Variants in KRTAP19-2 observed in about 807,000 individuals in gnomAD.
KRTAP19-2 encodes keratin-associated protein 19-2.
In KRTAP19-2, 2 loss-of-function variants were observed where a neutral mutation model predicts 0.3. That is an observed-to-expected ratio of 6.87 (90% CI 2.81 to 21.61). The LOEUF (loss-of-function observed/expected upper bound fraction) is 21.61. Among genes scored for constraint, KRTAP19-2 ranks in the 30% most tolerant of loss-of-function variants. The pLI is 0.03. For missense variants in KRTAP19-2, 63 were observed against 63.1 expected (o/e 1.00, Z 0.00); for synonymous variants, 31 against 24.6 (o/e 1.26, Z -0.77).
chr21:30,487,224 C>A lies in KRTAP19-2; in HGVS notation c.125G>T (p.Cys42Phe). 1.2e-6 allele frequency: 2 copies of A among 1,614,176 alleles called. No homozygotes were observed. The highest frequency in any genetic ancestry group is 1.7e-6 in the Non-Finnish European group (2 of 1,180,028). ...GCGDGCCCPS[C>F]YRRYRFTGFY ...GCCAGTGAATCTATATCTTCTGTAG[C>A]ATGATGGGCAGCAGCAGCCATCTCC... Residue 42 changes from cysteine (C) to phenylalanine (F), a missense_variant, in exon 1 of 1, where the codon TGC becomes TTC. Cys to Phe is a radical substitution (Grantham distance 205). Transcript: ENST00000334055.
chr21:30,487,173 A>G lies in KRTAP19-2; in HGVS notation c.*17T>C, dbSNP rs375544355. On this transcript the variant is annotated 3_prime_UTR_variant, in exon 1 of 1. Transcript: ENST00000334055. Reference sequence around the variant, plus strand: ...ATCCCTTCAAAATAACAGATGCTGCATCACTAGAGCAGCAGCTTAGTAGAA... The same window carrying G: ...ATCCCTTCAAAATAACAGATGCTGCGTCACTAGAGCAGCAGCTTAGTAGAA... 1 of 1,600,644 alleles carries G rather than the reference A, an allele frequency of 6.2e-7. No homozygotes were observed. Among genetic ancestry groups the G allele is most frequent in the Non-Finnish European group, 8.6e-7 (1 of 1,167,644 alleles).
chr21:30,487,422 G>A lies in KRTAP19-2; in HGVS notation c.-74C>T. 1 of 1,609,660 alleles carries A rather than the reference G, an allele frequency of 6.2e-7. No individual in the cohort carries two copies. Among genetic ancestry groups the A allele is most frequent in the South Asian group, 1.1e-5 (1 of 90,652 alleles). ...CTAGTAGCTCACGGTGTCAGAGATAGTGAGTTGGGTTTGCTGTCCCAGGCA... is the reference window on the plus strand; with the variant it reads ...CTAGTAGCTCACGGTGTCAGAGATAATGAGTTGGGTTTGCTGTCCCAGGCA... On this transcript the variant is annotated 5_prime_UTR_variant, in exon 1 of 1. Coordinates refer to ENST00000334055, the MANE Select transcript of KRTAP19-2 (RefSeq NM_181608.2).
rs1303126773 is a variant in KRTAP19-2, at chr21:30,487,374, C to G, written c.-26G>C. ...GCCACCAAAGCCTCCACAGCCATAGCCCAGACCTCCACAGTAGCTGCCCTA... is the reference window on the plus strand; with the variant it reads ...GCCACCAAAGCCTCCACAGCCATAGGCCAGACCTCCACAGTAGCTGCCCTA... On this transcript the variant is annotated 5_prime_UTR_variant, in exon 1 of 1. Transcript: ENST00000334055. The G allele has an allele frequency of 1.2e-6, 2 of 1,613,834 alleles. No homozygotes were observed.
Position 30,487,105 on chromosome 21 carries a change from C to T in KRTAP19-2, c.*85G>A, listed in dbSNP as rs1031893330. The T allele has an allele frequency of 7.1e-7, 1 of 1,412,630 alleles. No individual in the cohort carries two copies. Among genetic ancestry groups the T allele is most frequent in the Non-Finnish European group, 9.9e-7 (1 of 1,010,590 alleles). The allele number at this position is 1,412,630 out of a possible 1,614,324, so 87.5% of individuals were successfully genotyped here. A position where few individuals can be genotyped will look rare whatever the true frequency, so the allele number is the denominator to read the frequency against. On this transcript the variant is annotated 3_prime_UTR_variant, in exon 1 of 1. Coordinates refer to ENST00000334055, the MANE Select transcript of KRTAP19-2 (RefSeq NM_181608.2). ...AATGGGAGCATTTACACATTTACAC[C>T]TTTACCCCCATTGTATCTTAGAAGT...
In KRTAP19-2 at chr21:30,487,296, C is replaced by T; in HGVS notation, c.53G>A (p.Gly18Asp). 1 of 1,614,130 alleles carries T rather than the reference C, an allele frequency of 6.2e-7. No individual in the cohort carries two copies. Among genetic ancestry groups the T allele is most frequent in the Non-Finnish European group, 8.5e-7 (1 of 1,180,008 alleles). Residue 18 changes from glycine to aspartate, a missense_variant, in exon 1 of 1, where the codon GGC (glycine) becomes GAC (aspartate). Coordinates refer to ENST00000334055, the MANE Select transcript of KRTAP19-2 (RefSeq NM_181608.2). ...GCGSFCRLGY[G>D]CGYEGCRYGC... ...ATATCTGCATCCTTCATAGCCGCAG[C>T]CATAGCCCAGTCTGCAGAAGCTGCC...
Position 30,487,083 on chromosome 21 carries a change from G to T in KRTAP19-2, c.*107C>A. The T allele has an allele frequency of 2.5e-6, 3 of 1,200,408 alleles. No individual in the cohort carries two copies. The highest frequency in any genetic ancestry group is 2.8e-5 in the South Asian group (2 of 71,912). 74.4% of individuals were successfully genotyped at this position (1,200,408 alleles called of 1,614,324 possible). A position where few individuals can be genotyped will look rare whatever the true frequency, so the allele number is the denominator to read the frequency against. ...TTTGGTCAATTTCTCCCTTTGGAAT[G>T]GGAGCATTTACACATTTACACCTTT... On this transcript the variant is annotated 3_prime_UTR_variant, in exon 1 of 1. Coordinates refer to ENST00000334055, the MANE Select transcript of KRTAP19-2 (RefSeq NM_181608.2).
At position 30,487,050 on chromosome 21, in the gene KRTAP19-2, C is replaced by G; in HGVS notation, c.*140G>C. 1 of 843,000 alleles carries G rather than the reference C, an allele frequency of 1.2e-6. No homozygotes were observed. Among genetic ancestry groups the G allele is most frequent in the Admixed American group, 2.5e-5 (1 of 40,690 alleles). 52.2% of individuals were successfully genotyped at this position (843,000 alleles called of 1,614,324 possible). ...TTGGACTTGTTTGGGGTCTTATAGC[C>G]CCTTTGTTTTGGTCAATTTCTCCCT... On this transcript the variant is annotated 3_prime_UTR_variant, in exon 1 of 1. Coordinates refer to ENST00000334055, the MANE Select transcript of KRTAP19-2 (RefSeq NM_181608.2).
the KRTAP19-2 span, chr21:30,487,211 A>C: frequency 1.2e-6 from 2 of 1,614,144 alleles, no homozygotes; most frequent in Non-Finnish European, 1.7e-6. Context: ...CAGTGAATCT[A>C]TATCTTCTGT....
chr21:30,487,340 A>G lies in KRTAP19-2; in HGVS notation c.9T>C (p.Tyr3=). The G allele has an allele frequency of 6.2e-7, 1 of 1,610,494 alleles. No homozygotes were observed. The highest frequency in any genetic ancestry group is 8.5e-7 in the Non-Finnish European group (1 of 1,177,026). MC[Y]GYGCGCGSFC... is the part of the protein sequence containing the mutation. The stretch of plus-strand genomic sequence containing the variant: ...AGCTGCCACATCCACAGCCGTAGCC[A>G]TAGCACATGCCACCAAAGCCTCCAC... Residue 3 remains tyrosine, a synonymous_variant, in exon 1 of 1, where the codon TAT becomes TAC. Coordinates refer to ENST00000334055, the MANE Select transcript of KRTAP19-2 (RefSeq NM_181608.2).
rs1167526341 is a variant in KRTAP19-2, at chr21:30,487,104, C to A, written c.*86G>T. On this transcript the variant is annotated 3_prime_UTR_variant, in exon 1 of 1. Transcript: ENST00000334055. ...GAATGGGAGCATTTACACATTTACA[C>A]CTTTACCCCCATTGTATCTTAGAAG... is the stretch of plus-strand genomic sequence containing the variant. 1 of 1,399,882 alleles carries A rather than the reference C, an allele frequency of 7.1e-7. No individual in the cohort carries two copies. The highest frequency in any genetic ancestry group is 1.0e-6 in the Non-Finnish European group (1 of 999,644). The allele number at this position is 1,399,882 out of a possible 1,614,324, so 86.7% of individuals were successfully genotyped here.
In KRTAP19-2 at chr21:30,487,379, A is replaced by T. The variant is rs1985887915; in HGVS notation, c.-31T>A. 3.7e-6 allele frequency: 6 copies of T among 1,613,696 alleles called. No individual in the cohort carries two copies. Among genetic ancestry groups the T allele is most frequent in the Non-Finnish European group, 5.1e-6 (6 of 1,179,860 alleles). Reference sequence around the variant, plus strand: ...CAAAGCCTCCACAGCCATAGCCCAGACCTCCACAGTAGCTGCCCTAGTAGC... The same window carrying T: ...CAAAGCCTCCACAGCCATAGCCCAGTCCTCCACAGTAGCTGCCCTAGTAGC... On this transcript the variant is annotated 5_prime_UTR_variant, in exon 1 of 1. Coordinates refer to ENST00000334055, the MANE Select transcript of KRTAP19-2 (RefSeq NM_181608.2).
rs749776355 is a variant in KRTAP19-2 at position 30,487,275 on chromosome 21, C to A, written c.74G>T (p.Arg25Ile). 6.2e-7 allele frequency: 1 copy of A among 1,614,168 alleles called. No individual in the cohort carries two copies. Among genetic ancestry groups the A allele is most frequent in the Admixed American group, 1.7e-5 (1 of 60,024 alleles). ...ACAGCCTCTGTGGCCACAACCATATCTGCATCCTTCATAGCCGCAGCCATA... is the reference window on the plus strand; with the variant it reads ...ACAGCCTCTGTGGCCACAACCATATATGCATCCTTCATAGCCGCAGCCATA... ...LGYGCGYEGC[R>I]YGCGHRGCGD... The change falls in exon 1 of 1, where the codon AGA (arginine) becomes ATA (isoleucine). Residue 25 changes from arginine (R) to isoleucine (I), a missense_variant. By Grantham distance (97) the Arg-to-Ile change is moderately conservative. Transcript: ENST00000334055.
In KRTAP19-2 at chr21:30,487,255, C is replaced by A. The variant is rs8131735; in HGVS notation, c.94G>T (p.Gly32Cys). 4.9e-3 allele frequency: 7,904 copies of A among 1,614,154 alleles called. 228 individuals are homozygous for A. The African/African-American group carries it at 0.075, about 15-fold the overall frequency. The change falls in exon 1 of 1, where the codon GGC becomes TGC. Residue 32 changes from glycine to cysteine, a missense_variant. By Grantham distance (159) the Gly-to-Cys change is radical. Coordinates refer to ENST00000334055, the MANE Select transcript of KRTAP19-2 (RefSeq NM_181608.2). ...EGCRYGCGHR[G>C]CGDGCCCPSC... Reference sequence around the variant, plus strand: ...GGGCAGCAGCAGCCATCTCCACAGCCTCTGTGGCCACAACCATATCTGCAT... The same window carrying A: ...GGGCAGCAGCAGCCATCTCCACAGCATCTGTGGCCACAACCATATCTGCAT...
In KRTAP19-2 at chr21:30,487,418, G is replaced by A. The variant is rs1985889131; in HGVS notation, c.-70C>T. 2 of 1,610,872 alleles carry A rather than the reference G, an allele frequency of 1.2e-6. No homozygotes were observed. The highest frequency in any genetic ancestry group is 8.5e-7 in the Non-Finnish European group (1 of 1,177,938). On this transcript the variant is annotated 5_prime_UTR_variant, in exon 1 of 1. Transcript: ENST00000334055. ...TGCCCTAGTAGCTCACGGTGTCAGA[G>A]ATAGTGAGTTGGGTTTGCTGTCCCA...
chr21:30,487,304 C>T lies in KRTAP19-2; in HGVS notation c.45G>A (p.Leu15=), dbSNP rs149309849. 5 of 1,613,976 alleles carry T rather than the reference C, an allele frequency of 3.1e-6. No homozygotes were observed. ...ATCCTTCATAGCCGCAGCCATAGCC[C>T]AGTCTGCAGAAGCTGCCACATCCAC... is the stretch of plus-strand genomic sequence containing the variant. ...YGCGCGSFCR[L]GYGCGYEGCR... is the part of the protein sequence containing the mutation. The change falls in exon 1 of 1, where the codon CTG becomes CTA. Residue 15 remains leucine (L), a synonymous_variant. Transcript: ENST00000334055.
At position 30,487,333 on chromosome 21, in the gene KRTAP19-2, C is replaced by T. The variant is rs200992396; in HGVS notation, c.16G>A (p.Gly6Ser). The T allele has an allele frequency of 7.8e-5, 126 of 1,610,484 alleles. No homozygotes were observed. In the East Asian group the frequency reaches 1.0e-3, roughly 13 times the overall value. Residue 6 changes from glycine (G) to serine (S), a missense_variant, in exon 1 of 1, where the codon GGC becomes AGC. Physicochemically the swap from Gly to Ser is moderately conservative, Grantham distance 56. Transcript: ENST00000334055. ...CTGCAGAAGCTGCCACATCCACAGC[C>T]GTAGCCATAGCACATGCCACCAAAG... MCYGY[G>S]CGCGSFCRLG...
Position 30,487,330 on chromosome 21 carries a change from A to G in KRTAP19-2, c.19T>C (p.Cys7Arg). 6.2e-7 allele frequency: 1 copy of G among 1,610,498 alleles called. No homozygotes were observed. The highest frequency in any genetic ancestry group is 8.5e-7 in the Non-Finnish European group (1 of 1,177,032). The change falls in exon 1 of 1, where the codon TGT becomes CGT. Residue 7 changes from cysteine to arginine, a missense_variant. By Grantham distance (180) the Cys-to-Arg change is radical. Transcript: ENST00000334055. MCYGYGCGCGSFCRLGY... is the reference protein window; with the variant it reads MCYGYGRGCGSFCRLGY... ...AGTCTGCAGAAGCTGCCACATCCAC[A>G]GCCGTAGCCATAGCACATGCCACCA...
Position 30,487,120 on chromosome 21 carries a change from A to T in KRTAP19-2, c.*70T>A. On this transcript the variant is annotated 3_prime_UTR_variant, in exon 1 of 1. Transcript: ENST00000334055. ...ACATTTACACCTTTACCCCCATTGT[A>T]TCTTAGAAGTAAGTAACTTGTTTTT... is the stretch of plus-strand genomic sequence containing the variant. 2 of 1,497,430 alleles carry T rather than the reference A, an allele frequency of 1.3e-6. No homozygotes were observed. Among genetic ancestry groups the T allele is most frequent in the Non-Finnish European group, 9.3e-7 (1 of 1,078,772 alleles). 92.8% of individuals were successfully genotyped at this position (1,497,430 alleles called of 1,614,324 possible). A position where few individuals can be genotyped will look rare whatever the true frequency, so the allele number is the denominator to read the frequency against.
rs1309627805 is a variant in KRTAP19-2, at chr21:30,487,426, G to A, written c.-78C>T. 2 of 1,608,582 alleles carry A rather than the reference G, an allele frequency of 1.2e-6. No homozygotes were observed. Among genetic ancestry groups the A allele is most frequent in the East Asian group, 4.5e-5 (2 of 44,828 alleles). ...TAGCTCACGGTGTCAGAGATAGTGA[G>A]TTGGGTTTGCTGTCCCAGGCAAGGT... On this transcript the variant is annotated 5_prime_UTR_variant, in exon 1 of 1. Coordinates refer to ENST00000334055, the MANE Select transcript of KRTAP19-2 (RefSeq NM_181608.2).
Sources: gnomAD v4.1 joint callset for allele counts on GRCh38, gnomAD v4.1.1 for gene constraint, MANE v1.5 for transcripts, NCBI Gene and HGNC (gene_info 2026-07-23, HGNC 2026-07-21) for gene names.